LAMA3: variants seen among roughly 807,000 people sequenced by gnomAD.
LAMA3 encodes the protein laminin subunit alpha-3.
A neutral mutation model predicts 402.0 loss-of-function variants in LAMA3; 281 were observed. The observed-to-expected ratio is 0.70, with a 90% CI of 0.63 to 0.77. The LOEUF (loss-of-function observed/expected upper bound fraction) is 0.77, where lower values mean the gene tolerates loss of function less well. Among genes scored for constraint, LAMA3 ranks in the 30% least tolerant of loss-of-function variants. The probability of loss-of-function intolerance (pLI) is 0.00; values close to 1 mark genes in which losing one functional copy is unlikely to be tolerated. For missense variants in LAMA3, 3,840 were observed against 4,215.5 expected, an observed-to-expected ratio of 0.91 and a Z score of 2.47; for synonymous variants, 1,431 against 1,558.4, an observed-to-expected ratio of 0.92 and a Z score of 1.93.
intron 67 of LAMA3, among the ~76,000 whole-genome samples, chr18:23,934,894 T>A (rs1444197744): frequency 6.6e-6 from 1 of 152,236 alleles, no homozygotes; most frequent in Non-Finnish European, 1.5e-5. Context: ...TGCACAATGA[T>A]TTGGGAGAGC....
intron 12 of LAMA3, among the ~76,000 whole-genome samples, chr18:23,791,734 T>TAAAA (rs11348422): frequency 1.1e-5 from 1 of 89,690 alleles, no homozygotes; most frequent in Non-Finnish European, 2.1e-5. Flanking sequence ...AGAATTTGTC[T>TAAAA]AAAAAAAAAA....
At chr18:23,898,584 C>T in intron 44 of LAMA3, 154 bp from the exon 45 acceptor site, 1 of 652,460 alleles carries the variant, frequency 1.5e-6, no homozygotes, top group Non-Finnish European at 2.8e-6. Flanking sequence ...AAAATAGATT[C>T]CTTATGTAAC....
chr18:23,833,361 C>T (rs910621460), intron 23 of LAMA3, among the ~76,000 whole-genome samples: 2 of 150,046 alleles, frequency 1.3e-5, no homozygotes, highest in African/African-American at 2.5e-5. Context: ...GTGTGTTTTA[C>T]ATTATTTCCC....
In LAMA3 at chr18:23,864,787, T is replaced by G. The variant is rs1262149472; in HGVS notation, c.4587T>G (p.Val1529=). 1 of 1,601,412 alleles carries G rather than the reference T, an allele frequency of 6.2e-7. No individual in the cohort carries two copies. The highest frequency in any genetic ancestry group is 1.3e-5 in the African/African-American group (1 of 74,678). Residue 1529 remains valine, a splice_region_variant and synonymous_variant, in exon 36 of 75, where the codon GTT becomes GTG. Transcript: ENST00000313654. ...VAPTSYLGDK[V]SSYGGYLTYQ... is the part of the protein sequence containing the mutation. ...TGATGCTATTAATTCCATTTTAGGTTTCTTCATATGGTGGTTACCTCACTT... is the reference window on the plus strand; with the variant it reads ...TGATGCTATTAATTCCATTTTAGGTGTCTTCATATGGTGGTTACCTCACTT...
intron 55 of LAMA3, among the ~76,000 whole-genome samples, chr18:23,910,591 T>A (rs1363148578): frequency 6.6e-6 from 1 of 152,180 alleles, no homozygotes; most frequent in African/African-American, 2.4e-5. Flanking sequence ...GTGTTATGTG[T>A]ATCTTCAAAA....
chr18:23,839,762 T>A lies in LAMA3; in HGVS notation c.3192-23T>A. On this transcript the variant is annotated intron_variant, in intron 26 of 74. Transcript: ENST00000313654. This position sits in a 1 kb window ranked among gnomAD's most constrained non-coding sequence, Gnocchi z 4.5. ...GCTTTGGGTTCTTTTAAAAATCAGA[T>A]TTTTAAATATTCTATTTTTCAGTGC... 1 of 1,613,834 alleles carries A rather than the reference T, an allele frequency of 6.2e-7. No individual in the cohort carries two copies. Among genetic ancestry groups the A allele is most frequent in the Non-Finnish European group, 8.5e-7 (1 of 1,179,712 alleles).
At chr18:23,800,448 G>T (rs2062846608) in intron 12 of LAMA3, among the ~76,000 whole-genome samples, 1 of 152,144 alleles carries the variant, frequency 6.6e-6, no homozygotes, top group Non-Finnish European at 1.5e-5. Flanking sequence ...GGTACAGAGT[G>T]ATATTGCCAT....
chr18:23,903,338 C>T (rs905546667), intron 49 of LAMA3, among the ~76,000 whole-genome samples: 8 of 151,962 alleles, frequency 5.3e-5, no homozygotes, highest in African/African-American at 9.7e-5. Context: ...CTAATTTGTC[C>T]GCAATGAGCA....
Position 23,842,728 on chromosome 18 carries a change from C to T in LAMA3, c.3581C>T (p.Pro1194Leu), listed in dbSNP as rs370400316. The T allele has an allele frequency of 3.5e-5, 57 of 1,614,092 alleles. No homozygotes were observed. In the African/African-American group the frequency reaches 7.1e-4, roughly 20 times the overall value. Residue 1194 changes from proline to leucine, a missense_variant, in exon 29 of 75, where the codon CCA becomes CTA. Physicochemically the swap from Pro to Leu is moderately conservative, Grantham distance 98. Transcript: ENST00000313654. ...EPEVAATVKV[P>L]EGKSLVLVRV... ...GAAGTGGCCGCAACTGTGAAGGTTCCAGAAGGAAAGTCCTTGGTTTTGGTG... is the reference window on the plus strand; with the variant it reads ...GAAGTGGCCGCAACTGTGAAGGTTCTAGAAGGAAAGTCCTTGGTTTTGGTG...
intron 4 of LAMA3, among the ~76,000 whole-genome samples, chr18:23,750,075 C>A (rs933971922): frequency 3.9e-5 from 6 of 152,156 alleles, no homozygotes; most frequent in Admixed American, 6.5e-5. Flanking sequence ...CCTACGTGAT[C>A]CCTGATCCCT....
At position 23,894,323 on chromosome 18, in the gene LAMA3, TAGC is replaced by T; in HGVS notation, c.5440_5442del (p.Ser1814del). ...ACTGCATAAACCAAGAACCCAAAGA[TAGC>T]AGCCCTGCAGAAGAATGTGATGGTG... is the stretch of plus-strand genomic sequence containing the variant. On this transcript the variant is annotated inframe_deletion, in exon 43 of 75. Coordinates refer to ENST00000313654, the MANE Select transcript of LAMA3 (RefSeq NM_198129.4). 1 of 1,613,618 alleles carries T rather than the reference TAGC, an allele frequency of 6.2e-7. No homozygotes were observed. Among genetic ancestry groups the T allele is most frequent in the Non-Finnish European group, 8.5e-7 (1 of 1,179,532 alleles).
At chr18:23,758,835 G>A (rs2061908777) in intron 7 of LAMA3, among the ~76,000 whole-genome samples, 1 of 152,084 alleles carries the variant, frequency 6.6e-6, no homozygotes, top group Non-Finnish European at 1.5e-5. Flanking sequence ...CATTTCATAG[G>A]ACGTGATACT....
chr18:23,737,291 A>G (rs185166695), intron 2 of LAMA3, among the ~76,000 whole-genome samples: 28 of 152,224 alleles, frequency 1.8e-4, no homozygotes, highest in African/African-American at 6.5e-4. Context: ...GGACATTCCA[A>G]TCAAGTCACC....
At chr18:23,719,827 C>T (rs528918121) in intron 2 of LAMA3, among the ~76,000 whole-genome samples, 56 of 152,200 alleles carry the variant, frequency 3.7e-4, no homozygotes, top group African/African-American at 1.0e-3. Context: ...CTTGGCTCTA[C>T]AGATGGTTGG....
intron 69 of LAMA3, among the ~76,000 whole-genome samples, chr18:23,945,203 G>C (rs2082667177): frequency 1.3e-5 from 2 of 152,246 alleles, no homozygotes; most frequent in Non-Finnish European, 2.9e-5. Context: ...TTTAGCTGAA[G>C]AGACTGCCAG....
chr18:23,947,637 C>A (rs1568379011), intron 70 of LAMA3, among the ~76,000 whole-genome samples: 1 of 152,174 alleles, frequency 6.6e-6, no homozygotes, highest in East Asian at 1.9e-4. Flanking sequence ...CAGCAGGCAA[C>A]AGAGTATTAC....
Position 23,847,538 on chromosome 18 carries a change from C to T in LAMA3, c.4006C>T (p.Gln1336Ter). 6.2e-7 allele frequency: 1 copy of T among 1,614,094 alleles called. No homozygotes were observed. The highest frequency in any genetic ancestry group is 8.5e-7 in the Non-Finnish European group (1 of 1,180,054). Residue 1336 changes from glutamine to a stop codon, truncating the protein, a stop_gained, in exon 32 of 75, where the codon CAG becomes TAG. Coordinates refer to ENST00000313654, the MANE Select transcript of LAMA3 (RefSeq NM_198129.4). LOFTEE classifies it high-confidence loss of function. ...CTGCCCTCCCCGCACGGTCAGGCCC[C>T]AGTGTGAGGTGTGTGAGACACACTC... is the stretch of plus-strand genomic sequence containing the variant. ...CRCPPRTVRP[Q>*]CEVCETHSFS...
intron 31 of LAMA3, 79 bp downstream of exon 31, chr18:23,846,587 T>C (rs1211104867): frequency 1.1e-5 from 14 of 1,308,156 alleles, no homozygotes; most frequent in Middle Eastern, 5.0e-4. Context: ...GCTTCTTCAG[T>C]GGCACTGTGC....
In LAMA3 at chr18:23,839,740, T is replaced by C. The variant is rs767100217; in HGVS notation, c.3192-45T>C. 8 of 1,608,344 alleles carry C rather than the reference T, an allele frequency of 5.0e-6. No individual in the cohort carries two copies. The highest frequency in any genetic ancestry group is 4.0e-5 in the African/African-American group (3 of 74,824). On this transcript the variant is annotated intron_variant, in intron 26 of 74. Transcript: ENST00000313654. This position sits in a 1 kb window ranked among gnomAD's most constrained non-coding sequence, Gnocchi z 4.5. ...TTCACTGATGGTCAGTTCTGTAGCT[T>C]TGGGTTCTTTTAAAAATCAGATTTT...
Sources: gnomAD v4.1 joint callset for allele counts (sites outside exome capture counted in the v4.1 genomes callset) on GRCh38, gnomAD v4.1.1 for gene constraint, Gnocchi (gnomAD v3.1) non-coding constraint, MANE v1.5 for transcripts, NCBI Gene and HGNC (gene_info 2026-07-23, HGNC 2026-07-21) for gene names.